GSE1: variants seen among roughly 807,000 people sequenced by gnomAD.
The protein encoded by GSE1 is Gse1 coiled-coil protein, also known as genetic suppressor element 1.
Under a neutral mutation model 112.6 loss-of-function variants are expected in GSE1, and 32 were observed. That is an observed-to-expected ratio of 0.28 (90% CI 0.21 to 0.38). GSE1 has a LOEUF of 0.38. Ranked by LOEUF, GSE1 falls within the 10% of genes least tolerant of loss-of-function variation. The pLI is 1.00. For synonymous variants in GSE1, 1,115 were observed against 735.6 expected, an observed-to-expected ratio of 1.52 and a Z score of -8.35; for missense variants, 2,348 against 1,699.2, an observed-to-expected ratio of 1.38 and a Z score of -6.71.
chr16:85,175,139 G>A (rs1041136974), intron 1 of GSE1, among the ~76,000 whole-genome samples: 1 of 152,208 alleles, frequency 6.6e-6, no homozygotes, highest in Non-Finnish European at 1.5e-5. Context: ...ATAAAGAGAA[G>A]AAAGAAAGAA....
intron 2 of GSE1, among the ~76,000 whole-genome samples, chr16:85,398,528 T>C (rs2048018662): frequency 6.6e-6 from 1 of 151,972 alleles, no homozygotes; most frequent in African/African-American, 2.4e-5. Flanking sequence ...GTGGTGAGGA[T>C]AGATGGAGGT....
intron 2 of GSE1, among the ~76,000 whole-genome samples, chr16:85,548,978 C>T (rs1326575564): frequency 2.0e-5 from 3 of 152,060 alleles, no homozygotes; most frequent in South Asian, 2.1e-4. Flanking sequence ...TTAGTAGAGA[C>T]GGGGTTTCAC....
At chr16:85,282,409 T>C (rs576190320) in intron 1 of GSE1, among the ~76,000 whole-genome samples, 1 of 152,242 alleles carries the variant, frequency 6.6e-6, no homozygotes, top group South Asian at 2.1e-4. Context: ...CAAAGCTTTT[T>C]TCTCCTCCAG....
chr16:85,616,712 G>A (rs1309430898), intron 1 of GSE1, among the ~76,000 whole-genome samples: 1 of 152,060 alleles, frequency 6.6e-6, no homozygotes, highest in East Asian at 1.9e-4. Context: ...TGGAGTCTCA[G>A]ATCTCGGTGG....
At chr16:85,351,055 T>A (rs1474507006) in intron 1 of GSE1, among the ~76,000 whole-genome samples, 1 of 152,188 alleles carries the variant, frequency 6.6e-6, no homozygotes, top group East Asian at 1.9e-4. Flanking sequence ...GCCACTCTCA[T>A]TGTACTCAAA....
intron 1 of GSE1, among the ~76,000 whole-genome samples, chr16:85,172,939 C>T (rs563775875): frequency 6.6e-5 from 10 of 152,352 alleles, no homozygotes; most frequent in African/African-American, 2.4e-4. Flanking sequence ...CGGCCCCTGT[C>T]TTCATGCTCT....
intron 2 of GSE1, among the ~76,000 whole-genome samples, chr16:85,503,988 G>A (rs922559245): frequency 7.9e-5 from 12 of 152,212 alleles, no homozygotes; most frequent in South Asian, 2.1e-4. Flanking sequence ...CAGGTGTGGC[G>A]GTGGTCACCG....
intron 2 of GSE1, among the ~76,000 whole-genome samples, chr16:85,468,556 G>A (rs1206782315): frequency 4.0e-5 from 6 of 151,852 alleles, no homozygotes. Context: ...GACCTCCTGT[G>A]ATCCACCAGC....
intron 1 of GSE1, among the ~76,000 whole-genome samples, chr16:85,573,218 C>A (rs954469894): frequency 6.6e-6 from 1 of 152,076 alleles, no homozygotes; most frequent in Admixed American, 6.6e-5. Context: ...AGGCTGGCCT[C>A]GAAGTCCTGG....
At chr16:85,641,398 G>C (rs2050435650) in intron 2 of GSE1, among the ~76,000 whole-genome samples, 1 of 152,184 alleles carries the variant, frequency 6.6e-6, no homozygotes, top group South Asian at 2.1e-4. Flanking sequence ...GGCAGGGTGG[G>C]CATGGGAGCC....
At chr16:85,506,957 T>C (rs1213715511) in intron 2 of GSE1, among the ~76,000 whole-genome samples, 1 of 152,158 alleles carries the variant, frequency 6.6e-6, no homozygotes, top group East Asian at 1.9e-4. Context: ...CATAGTTGCA[T>C]GCACGCCACC....
intron 2 of GSE1, among the ~76,000 whole-genome samples, chr16:85,648,263 G>A (rs1475280075): frequency 1.3e-5 from 2 of 152,162 alleles, no homozygotes; most frequent in African/African-American, 2.4e-5. Context: ...GTCTGGTGGC[G>A]GTGGGCGGCC....
intron 1 of GSE1, among the ~76,000 whole-genome samples, chr16:85,588,762 A>G (rs1424866751): frequency 6.6e-6 from 1 of 152,008 alleles, no homozygotes; most frequent in Non-Finnish European, 1.5e-5. Context: ...TCCTGGAGGG[A>G]GGGGGGCCTT....
chr16:85,204,494 C>T (rs953058136), intron 1 of GSE1, among the ~76,000 whole-genome samples: 1 of 152,174 alleles, frequency 6.6e-6, no homozygotes, highest in Non-Finnish European at 1.5e-5. Flanking sequence ...AATGCTGGGT[C>T]GTGTGAGCAA....
At chr16:85,335,115 A>G (rs1489071040) in intron 1 of GSE1, among the ~76,000 whole-genome samples, 27 of 152,180 alleles carry the variant, frequency 1.8e-4, no homozygotes, top group Admixed American at 1.8e-3. Context: ...GTAATTAAAC[A>G]TGGTTTTTCT....
rs2053525519 is a variant in GSE1 at position 85,673,773 on chromosome 16, G to T, written c.*1234G>T. On this transcript the variant is annotated 3_prime_UTR_variant, in exon 16 of 16. Coordinates refer to ENST00000253458, the MANE Select transcript of GSE1 (RefSeq NM_014615.5). ...GGGGTAGTCTGTAGAACCCATGTGT[G>T]ACAGTCATGTGCACACATGGGCGGG... 6.6e-6 allele frequency: 1 copy of T among 152,220 alleles called. No individual in the cohort carries two copies. The highest frequency in any genetic ancestry group is 2.4e-5 in the African/African-American group (1 of 41,444). The allele number at this position is 152,220 out of a possible 1,614,324, so 9.4% of individuals were successfully genotyped here.
At chr16:85,596,543 A>T (rs918587071) in intron 1 of GSE1, among the ~76,000 whole-genome samples, 1 of 152,246 alleles carries the variant, frequency 6.6e-6, no homozygotes, top group Non-Finnish European at 1.5e-5. Flanking sequence ...GTTGGCTCAG[A>T]AAATTTAAGT....
rs562844876 is a variant in GSE1, at chr16:85,627,133, T to C, written c.8-6781T>C. Among the ~76,000 whole-genome samples, 4 of 112,572 alleles carry C rather than the reference T, an allele frequency of 3.6e-5. 1 individual carries two copies. The South Asian group carries it at 1.5e-3, about 41-fold the overall frequency. 73.9% of individuals were successfully genotyped at this position (112,572 alleles called of 152,430 possible). A position where few individuals can be genotyped will look rare whatever the true frequency, so the allele number is the denominator to read the frequency against. ...AACCTAGCCAGAGAATAGGAGAAAGTATTGATTCAAGAAGCGGTGCTTTGT... is the reference window on the plus strand; with the variant it reads ...AACCTAGCCAGAGAATAGGAGAAAGCATTGATTCAAGAAGCGGTGCTTTGT... On this transcript the variant is annotated intron_variant, in intron 1 of 15. Coordinates refer to ENST00000253458, the MANE Select transcript of GSE1 (RefSeq NM_014615.5).
At chr16:85,170,743 C>G in exon 1 of GSE1, 2 of 985,480 alleles carry the variant, frequency 2.0e-6, no homozygotes, top group Non-Finnish European at 2.4e-6. Context: ...GCACAGCCCG[C>G]CCCCAGGGGC....
Sources: gnomAD v4.1 joint callset for allele counts (sites outside exome capture counted in the v4.1 genomes callset) on GRCh38, gnomAD v4.1.1 for gene constraint, MANE v1.5 for transcripts, NCBI Gene and HGNC (gene_info 2026-07-23, HGNC 2026-07-21) for gene names.